GALNT14: variants seen among roughly 807,000 people sequenced by gnomAD.
GALNT14 encodes the protein polypeptide N-acetylgalactosaminyltransferase 14.
A neutral mutation model predicts 77.5 loss-of-function variants in GALNT14; 60 were observed. That is an observed-to-expected ratio of 0.77 (90% CI 0.63 to 0.96). The LOEUF (loss-of-function observed/expected upper bound fraction) is 0.96, where lower values mean the gene tolerates loss of function less well. Ranked by LOEUF, GALNT14 falls within the 40% of genes least tolerant of loss-of-function variation. GALNT14 has a pLI of 0.00. For missense variants in GALNT14, 710 were observed against 731.0 expected, an observed-to-expected ratio of 0.97 and a Z score of 0.33; for synonymous variants, 280 against 281.7, an observed-to-expected ratio of 0.99 and a Z score of 0.06.
At chr2:30,921,673 T>G (rs940534296) in intron 13 of GALNT14, among the ~76,000 whole-genome samples, 19 of 152,162 alleles carry the variant, frequency 1.2e-4, no homozygotes, top group Admixed American at 3.3e-4. Context: ...ACATTCAATG[T>G]CAGGGTAGGG....
rs373243593 is a variant in GALNT14 at position 31,049,930 on chromosome 2, G to A, written c.130-56923C>T. ...TTCTGTGAAATGAAATTCTTGGGGGGCAAAGTATGGAAAAGTATGGGACCA... is the reference window on the plus strand; with the variant it reads ...TTCTGTGAAATGAAATTCTTGGGGGACAAAGTATGGAAAAGTATGGGACCA... On this transcript the variant is annotated intron_variant, in intron 1 of 14. Coordinates refer to ENST00000349752, the MANE Select transcript of GALNT14 (RefSeq NM_024572.4). 1.1e-3 allele frequency among the ~76,000 whole-genome samples: 164 copies of A among 152,208 alleles called. 4 individuals are homozygous for A. In the South Asian group the frequency reaches 0.021, roughly 20 times the overall value.
At chr2:30,918,636 GTGGCATTGGGCAGGGAGGA>G (rs1267553380) in intron 13 of GALNT14, among the ~76,000 whole-genome samples, 61 of 149,300 alleles carry the variant, frequency 4.1e-4, no homozygotes, top group South Asian at 2.8e-3. Context: ...GGCAGGGAGG[GTGGCATTGGGCAGGGAGGA>G]TGGCATCGGG....
chr2:31,041,452 G>C (rs937835782), intron 1 of GALNT14, among the ~76,000 whole-genome samples: 2 of 152,134 alleles, frequency 1.3e-5, no homozygotes, highest in Non-Finnish European at 2.9e-5. Context: ...GGCACTGCAG[G>C]CCAGGGGAGA....
At chr2:30,916,125 TA>T (rs1558399912) in intron 13 of GALNT14, among the ~76,000 whole-genome samples, 1 of 152,194 alleles carries the variant, frequency 6.6e-6, no homozygotes, top group African/African-American at 2.4e-5. Context: ...TAAGTAAATT[TA>T]CTGAGGCTCC....
intron 2 of GALNT14, among the ~76,000 whole-genome samples, chr2:30,988,952 G>A (rs1042179045): frequency 3.9e-5 from 6 of 152,184 alleles, no homozygotes; most frequent in Non-Finnish European, 4.4e-5. Context: ...GTGGACTAGC[G>A]GCGTTGGTAT....
chr2:31,057,340 GTA>G (rs1488596254), intron 1 of GALNT14, among the ~76,000 whole-genome samples: 38 of 62,440 alleles, frequency 6.1e-4, no homozygotes, highest in African/African-American at 1.5e-3. Flanking sequence ...ATATATACAC[GTA>G]TATATATGTG....
rs1488036582 is a variant in GALNT14 at position 30,993,001 on chromosome 2, C to A, written c.136G>T (p.Asp46Tyr). ...TCCCACAGGTCGTCCCAGTCAGCGT[C>A]CGAAGGCTGCGTGACACGAATGGGA... ...GPEVQTPKPS[D>Y]ADWDDLWDQF... Residue 46 changes from aspartate (D) to tyrosine (Y), a missense_variant, in exon 2 of 15, where the codon GAC becomes TAC. Physicochemically the swap from Asp to Tyr is radical, Grantham distance 160. Coordinates refer to ENST00000349752, the MANE Select transcript of GALNT14 (RefSeq NM_024572.4). 4 of 1,614,046 alleles carry A rather than the reference C, an allele frequency of 2.5e-6. No homozygotes were observed. Among genetic ancestry groups the A allele is most frequent in the Admixed American group, 3.3e-5 (2 of 60,018 alleles).
intron 10 of GALNT14, 145 bp downstream of exon 10, chr2:30,931,923 G>A: frequency 1.4e-6 from 1 of 714,080 alleles, no homozygotes; most frequent in South Asian, 4.5e-5. Context: ...GCAGAGTCTG[G>A]GTAGTACGAG....
At chr2:30,925,163 T>G (rs1665293518) in intron 11 of GALNT14, among the ~76,000 whole-genome samples, 1 of 152,188 alleles carries the variant, frequency 6.6e-6, no homozygotes, top group African/African-American at 2.4e-5. Context: ...CCGCTGGGGC[T>G]CTGGGCCTGC....
chr2:31,094,584 C>A (rs1216192531), intron 1 of GALNT14, among the ~76,000 whole-genome samples: 1 of 152,212 alleles, frequency 6.6e-6, no homozygotes, highest in Non-Finnish European at 1.5e-5. Context: ...CCTTGGGCCT[C>A]CTTTGATCCA....
At chr2:31,077,668 G>A (rs1178383973) in intron 1 of GALNT14, among the ~76,000 whole-genome samples, 4 of 152,046 alleles carry the variant, frequency 2.6e-5, no homozygotes, top group African/African-American at 7.3e-5. Context: ...GTCCCCTTTC[G>A]GAATCCCCAG....
At position 31,020,052 on chromosome 2, in the gene GALNT14, C is replaced by A. The variant is rs186432402; in HGVS notation, c.130-27045G>T. 8.3e-4 allele frequency among the ~76,000 whole-genome samples: 127 copies of A among 152,270 alleles called. 1 individual carries two copies. The highest frequency in any genetic ancestry group is 2.8e-3 in the African/African-American group (116 of 41,542). ...TAAAACCCACTTTCCACATGGCCAG[C>A]CCCTTCCCCAGCACACCCTGGCTTA... On this transcript the variant is annotated intron_variant, in intron 1 of 14. Coordinates refer to ENST00000349752, the MANE Select transcript of GALNT14 (RefSeq NM_024572.4).
intron 1 of GALNT14, among the ~76,000 whole-genome samples, chr2:31,109,656 G>C (rs1033487364): frequency 2.0e-5 from 3 of 152,220 alleles, no homozygotes; most frequent in Admixed American, 6.5e-5. Flanking sequence ...GATTGTAATG[G>C]ACGCGATGTG....
intron 1 of GALNT14, among the ~76,000 whole-genome samples, chr2:31,065,988 A>G (rs138020164): frequency 6.6e-6 from 1 of 152,042 alleles, no homozygotes; most frequent in Non-Finnish European, 1.5e-5. Flanking sequence ...TCCCCGCCCC[A>G]CCCTCTTCCT....
chr2:31,058,829 A>G (rs1573266210), intron 1 of GALNT14, among the ~76,000 whole-genome samples: 1 of 152,340 alleles, frequency 6.6e-6, no homozygotes, highest in Non-Finnish European at 1.5e-5. Context: ...GAATTGTCCA[A>G]AGTCAATTAT....
the GALNT14 span, among the ~76,000 whole-genome samples, chr2:30,896,736 C>T: frequency 1.3e-5 from 2 of 152,104 alleles, no homozygotes; most frequent in Non-Finnish European, 2.9e-5. Context: ...AAGGAATTTA[C>T]CCAGTAGGCT....
chr2:31,074,363 G>A (rs532028092), intron 1 of GALNT14, among the ~76,000 whole-genome samples: 10 of 152,150 alleles, frequency 6.6e-5, no homozygotes, highest in South Asian at 2.1e-4. Flanking sequence ...CATATGCAGC[G>A]CTAGGCACAC....
intron 3 of GALNT14, among the ~76,000 whole-genome samples, chr2:30,960,351 C>G (rs758639796): frequency 1.3e-5 from 2 of 152,202 alleles, no homozygotes; most frequent in Admixed American, 1.3e-4. Context: ...GCATTCAATT[C>G]TGCTAAATCC....
chr2:30,984,208 T>C (rs1669159073), intron 2 of GALNT14, among the ~76,000 whole-genome samples: 1 of 152,210 alleles, frequency 6.6e-6, no homozygotes, highest in Non-Finnish European at 1.5e-5. Context: ...CAGTGGAAGA[T>C]CCAATGTCCC....
Sources: allele counts gnomAD v4.1 joint callset (sites outside exome capture counted in the v4.1 genomes callset), GRCh38; gene constraint gnomAD v4.1.1; transcripts MANE v1.5; gene names NCBI Gene and HGNC (gene_info 2026-07-23, HGNC 2026-07-21).